AKIRIN1: variants seen among roughly 807,000 people sequenced by gnomAD.
The protein encoded by AKIRIN1 is akirin-1.
Under a neutral mutation model 25.9 loss-of-function variants are expected in AKIRIN1, and 4 were observed. That is an observed-to-expected ratio of 0.15 (90% CI 0.08 to 0.35). The LOEUF (loss-of-function observed/expected upper bound fraction) is 0.35, where lower values mean the gene tolerates loss of function less well. Ranked by LOEUF, AKIRIN1 falls within the 10% of genes least tolerant of loss-of-function variation. The probability of loss-of-function intolerance (pLI) is 1.00; values close to 1 mark genes in which losing one functional copy is unlikely to be tolerated. For missense variants in AKIRIN1, 243 were observed against 266.1 expected (o/e 0.91, Z 0.61); for synonymous variants, 125 against 105.1 (o/e 1.19, Z -1.16).
Position 39,003,549 on chromosome 1 carries a change from A to G in AKIRIN1, c.568+131A>G, listed in dbSNP as rs1039983232. On this transcript the variant is annotated intron_variant, in intron 4 of 4. Transcript: ENST00000432648. Reference sequence around the variant, plus strand: ...CCCAGCACTATGCTAAGAGTATTAAATCCACACCAAAGCTTATATAAGCCT... The same window carrying G: ...CCCAGCACTATGCTAAGAGTATTAAGTCCACACCAAAGCTTATATAAGCCT... 32 of 784,678 alleles carry G rather than the reference A, an allele frequency of 4.1e-5. No homozygotes were observed. In the African/African-American group the frequency reaches 5.1e-4, roughly 12 times the overall value. The allele number at this position is 784,678 out of a possible 1,614,324, so 48.6% of individuals were successfully genotyped here.
At position 39,003,960 on chromosome 1, in the gene AKIRIN1, A is replaced by G. The variant is rs1644013490; in HGVS notation, c.569-85A>G. ...AGTCATCGTTCATGCTATTTCTCACATTTACTGTTAGTGAAAATTTTTAAA... is the reference window on the plus strand; with the variant it reads ...AGTCATCGTTCATGCTATTTCTCACGTTTACTGTTAGTGAAAATTTTTAAA... On this transcript the variant is annotated intron_variant, in intron 4 of 4. Transcript: ENST00000432648. 5.8e-6 allele frequency: 7 copies of G among 1,213,150 alleles called. No individual in the cohort carries two copies. In the Admixed American group the frequency reaches 1.1e-4, roughly 20 times the overall value. 75.1% of individuals were successfully genotyped at this position (1,213,150 alleles called of 1,614,324 possible).
In AKIRIN1 at chr1:38,991,483, A is replaced by T; in HGVS notation, c.103A>T (p.Thr35Ser). The change falls in exon 1 of 5, where the codon ACT (threonine) becomes TCT (serine). Residue 35 changes from threonine to serine, a missense_variant. By Grantham distance (58) the Thr-to-Ser change is moderately conservative. Around this residue, in one of 3 missense-constraint regions of AKIRIN1, gnomAD observed 190 missense variants for 174.4 expected, o/e 1.09. Transcript: ENST00000432648. ...RRRCAPLPGP[T>S]PGLRPPDAEP... ...GCGCTGCGCCCCTCTGCCCGGCCCC[A>T]CTCCGGGCCTCAGGCCCCCGGACGC... The T allele has an allele frequency of 1.4e-6, 2 of 1,435,076 alleles. No individual in the cohort carries two copies. The highest frequency in any genetic ancestry group is 2.5e-4 in the Middle Eastern group (1 of 4,062). The allele number at this position is 1,435,076 out of a possible 1,614,324, so 88.9% of individuals were successfully genotyped here.
chr1:38,994,672 A>ATTTTTTTTTTTTTTTTTTTTTTTTTTT (rs10528399), intron 1 of AKIRIN1, among the ~76,000 whole-genome samples: 5 of 63,556 alleles, frequency 7.9e-5, no homozygotes, highest in Admixed American at 2.3e-4. Flanking sequence ...CGCTCGGCTA[A>ATTTTTTTTTTTTTTTTTTTTTTTTTTT]TTTTTTTTTT....
intron 1 of AKIRIN1, among the ~76,000 whole-genome samples, chr1:38,993,645 A>G (rs1643925634): frequency 1.3e-5 from 2 of 151,466 alleles, no homozygotes; most frequent in East Asian, 1.9e-4. Context: ...AAAAAAAAAA[A>G]AAGAGAATGT....
rs1553163547 is a variant in AKIRIN1 at position 38,991,503 on chromosome 1, G to GGACGCCGAGCC, written c.125_135dup (p.Pro46ThrfsTer39). 6.9e-7 allele frequency: 1 copy of GGACGCCGAGCC among 1,451,140 alleles called. No homozygotes were observed. Among genetic ancestry groups the GGACGCCGAGCC allele is most frequent in the African/African-American group, 1.5e-5 (1 of 68,050 alleles). 89.9% of individuals were successfully genotyped at this position (1,451,140 alleles called of 1,614,324 possible). ...GCCCCACTCCGGGCCTCAGGCCCCC[G>GGACGCCGAGCC]GACGCCGAGCCGCCGCCGCCGTTTC... On this transcript the variant is annotated frameshift_variant, in exon 1 of 5. Coordinates refer to ENST00000432648, the MANE Select transcript of AKIRIN1 (RefSeq NM_024595.3). LOFTEE classifies it high-confidence loss of function.
rs1644022130 is a variant in AKIRIN1 at position 39,004,839 on chromosome 1, A to G, written c.*784A>G. On this transcript the variant is annotated 3_prime_UTR_variant, in exon 5 of 5. Transcript: ENST00000432648. ...CAGCGCTCACCTCATTCACACAATT[A>G]TCATAGAGCTCCCTGGACACTGAAC... 6.5e-6 allele frequency: 1 copy of G among 152,914 alleles called. No homozygotes were observed. Among genetic ancestry groups the G allele is most frequent in the Non-Finnish European group, 1.5e-5 (1 of 68,356 alleles). The allele number at this position is 152,914 out of a possible 1,614,324, so 9.5% of individuals were successfully genotyped here. A position where few individuals can be genotyped will look rare whatever the true frequency, so the allele number is the denominator to read the frequency against.
At chr1:38,992,080 A>C (rs1643910279) in intron 1 of AKIRIN1, among the ~76,000 whole-genome samples, 2 of 152,036 alleles carry the variant, frequency 1.3e-5, no homozygotes, top group African/African-American at 4.8e-5. Context: ...GATTTCCAGA[A>C]GTCTTTAGGA....
rs765193748 is a variant in AKIRIN1, at chr1:39,005,236, A to AG, written c.*1183dup. On this transcript the variant is annotated 3_prime_UTR_variant, in exon 5 of 5. Coordinates refer to ENST00000432648, the MANE Select transcript of AKIRIN1 (RefSeq NM_024595.3). ...GGCAGGAGAATCACTTGAACCCTGG[A>AG]GGTGGCGGTTGCAGTGAGCACAGAT... 2.0e-5 allele frequency: 3 copies of AG among 149,152 alleles called. No homozygotes were observed. Among genetic ancestry groups the AG allele is most frequent in the Non-Finnish European group, 3.0e-5 (2 of 67,560 alleles). 9.2% of individuals were successfully genotyped at this position (149,152 alleles called of 1,614,324 possible).
rs1199455295 is a variant in AKIRIN1 at position 39,004,274 on chromosome 1, C to G, written c.*219C>G. On this transcript the variant is annotated 3_prime_UTR_variant, in exon 5 of 5. Coordinates refer to ENST00000432648, the MANE Select transcript of AKIRIN1 (RefSeq NM_024595.3). ...TGCTCATCCAATAAACAGCTGTGCC[C>G]TACTGTGATAGATTTTCCAAACAAA... 1 of 690,858 alleles carries G rather than the reference C, an allele frequency of 1.4e-6. No individual in the cohort carries two copies. The highest frequency in any genetic ancestry group is 1.5e-5 in the South Asian group (1 of 65,892). 42.8% of individuals were successfully genotyped at this position (690,858 alleles called of 1,614,324 possible). A position where few individuals can be genotyped will look rare whatever the true frequency, so the allele number is the denominator to read the frequency against.
At position 39,001,027 on chromosome 1, in the gene AKIRIN1, A is replaced by C; in HGVS notation, c.417A>C (p.Ile139=). 6.2e-7 allele frequency: 1 copy of C among 1,613,960 alleles called. No homozygotes were observed. The highest frequency in any genetic ancestry group is 8.5e-7 in the Non-Finnish European group (1 of 1,179,952). The change falls in exon 3 of 5, where the codon ATA becomes ATC. Residue 139 remains isoleucine, a synonymous_variant. Coordinates refer to ENST00000432648, the MANE Select transcript of AKIRIN1 (RefSeq NM_024595.3). ...QPTFTLRQVG[I]ICERLLKDYE... ...CATTTACCCTCCGACAAGTTGGCAT[A>C]ATATGTGAGCGCCTCTTAAAAGACT...
At chr1:38,992,025 G>A (rs1255172619) in intron 1 of AKIRIN1, among the ~76,000 whole-genome samples, 1 of 152,152 alleles carries the variant, frequency 6.6e-6, no homozygotes. Context: ...GCGGGTTACC[G>A]GGAAGGGGCG....
intron 1 of AKIRIN1, among the ~76,000 whole-genome samples, chr1:38,996,094 C>CTGTTT (rs1474880448): frequency 6.6e-6 from 1 of 152,038 alleles, no homozygotes; most frequent in Non-Finnish European, 1.5e-5. Context: ...CTTCATAGCA[C>CTGTTT]TGTTTTGTTT....
chr1:39,002,936 A>G (rs1644005352), intron 3 of AKIRIN1, among the ~76,000 whole-genome samples: 1 of 152,186 alleles, frequency 6.6e-6, no homozygotes, highest in South Asian at 2.1e-4. Flanking sequence ...CTTTCTAGCC[A>G]TCCCACACTT....
rs1644009756 is a variant in AKIRIN1 at position 39,003,431 on chromosome 1, A to C, written c.568+13A>C. 1 of 1,609,644 alleles carries C rather than the reference A, an allele frequency of 6.2e-7. No individual in the cohort carries two copies. The highest frequency in any genetic ancestry group is 8.5e-7 in the Non-Finnish European group (1 of 1,178,908). ...AGGCCAACAAGCTGTAAGTATTGCC[A>C]CATTTTCTTTGAATTTTCTAAGTTT... On this transcript the variant is annotated intron_variant, in intron 4 of 4. Transcript: ENST00000432648.
chr1:38,998,462 A>C, intron 2 of AKIRIN1, 151 bp downstream of exon 2: 1 of 938,176 alleles, frequency 1.1e-6, no homozygotes. Context: ...TACAGTCATG[A>C]AATTGGAAGA....
chr1:38,994,423 T>C (rs1009795114), intron 1 of AKIRIN1, among the ~76,000 whole-genome samples: 1 of 152,224 alleles, frequency 6.6e-6, no homozygotes, highest in Non-Finnish European at 1.5e-5. Flanking sequence ...GAAATATTTG[T>C]AAACGTAATG....
intron 3 of AKIRIN1, among the ~76,000 whole-genome samples, chr1:39,001,609 C>T (rs1056748651): frequency 7.2e-5 from 11 of 152,224 alleles, no homozygotes; most frequent in African/African-American, 2.6e-4. Context: ...GCTGTGAGCC[C>T]AGCTCTAGGA....
chr1:38,996,049 GA>G, intron 1 of AKIRIN1, among the ~76,000 whole-genome samples: 1 of 152,066 alleles, frequency 6.6e-6, no homozygotes, highest in South Asian at 2.1e-4. Flanking sequence ...AAAGTGAGGT[GA>G]AAACTTAATA....
chr1:38,996,629 A>C (rs1175093339), intron 1 of AKIRIN1, among the ~76,000 whole-genome samples: 1 of 151,970 alleles, frequency 6.6e-6, no homozygotes, highest in East Asian at 1.9e-4. Context: ...TCCCCGGTTC[A>C]AGAGATTCTC....
Sources: gnomAD v4.1 joint callset for allele counts (sites outside exome capture counted in the v4.1 genomes callset) on GRCh38, gnomAD v4.1.1 for gene constraint, gnomAD v4.1.1 regional missense constraint, MANE v1.5 for transcripts, NCBI Gene and HGNC (gene_info 2026-07-23, HGNC 2026-07-21) for gene names.